The following CFAP97 variants were observed in gnomAD, a reference collection of about 807,000 sequenced individuals.
The protein encoded by CFAP97 is cilia and flagella associated protein 97.
A neutral mutation model predicts 43.1 loss-of-function variants in CFAP97; 36 were observed. The ratio of observed to expected loss-of-function variants is 0.84; its 90% CI spans 0.64 to 1.10. CFAP97 has a LOEUF of 1.10. Among genes scored for constraint, CFAP97 ranks in the 50% least tolerant of loss-of-function variants. The pLI, the probability that CFAP97 is intolerant of heterozygous loss-of-function variation, is 0.00. For synonymous variants in CFAP97, 228 were observed against 225.7 expected, an observed-to-expected ratio of 1.01 and a Z score of -0.09; for missense variants, 657 against 620.3, an observed-to-expected ratio of 1.06 and a Z score of -0.63.
At chr4:185,180,647 T>C (rs1469443748) in intron 2 of CFAP97, among the ~76,000 whole-genome samples, 1 of 152,178 alleles carries the variant, frequency 6.6e-6, no homozygotes, top group African/African-American at 2.4e-5. Flanking sequence ...TGATAGTATC[T>C]TCTGGTAAGT....
intron 1 of CFAP97, among the ~76,000 whole-genome samples, chr4:185,192,833 C>A: frequency 6.7e-6 from 1 of 149,646 alleles, no homozygotes; most frequent in Admixed American, 6.7e-5. Context: ...CTCCGCCTCC[C>A]GGGTTCACGC....
chr4:185,191,832 A>G (rs1193656809), intron 1 of CFAP97, among the ~76,000 whole-genome samples: 1 of 151,444 alleles, frequency 6.6e-6, no homozygotes, highest in Non-Finnish European at 1.5e-5. Context: ...CCATCTCAAC[A>G]ACAACAAACA....
chr4:185,174,045 C>T lies in CFAP97; in HGVS notation c.1320+1741G>A, dbSNP rs79116044. ...ACCTGGATTTGCACCTGGGCTCTGACACCTGCTAGCCGTGTGACCTTGAGT... is the reference window on the plus strand; with the variant it reads ...ACCTGGATTTGCACCTGGGCTCTGATACCTGCTAGCCGTGTGACCTTGAGT... On this transcript the variant is annotated intron_variant, in intron 3 of 4. Coordinates refer to ENST00000458385, the MANE Select transcript of CFAP97 (RefSeq NM_020827.3). Among the ~76,000 whole-genome samples, 6 of 152,302 alleles carry T rather than the reference C, an allele frequency of 3.9e-5. No homozygotes were observed. In the East Asian group the frequency reaches 7.7e-4, roughly 20 times the overall value.
chr4:185,210,147 G>A (rs1028557151), upstream of CFAP97: 475 of 984,146 alleles, frequency 4.8e-4, no homozygotes, highest in Non-Finnish European at 5.4e-4. This position sits in a 1 kb window ranked among gnomAD's most constrained non-coding sequence, Gnocchi z 4.4. Context: ...CCTTCCTGCT[G>A]GGGATCCTGT....
At chr4:185,181,137 A>G (rs1339185650) in intron 2 of CFAP97, among the ~76,000 whole-genome samples, 2 of 151,454 alleles carry the variant, frequency 1.3e-5, no homozygotes, top group Non-Finnish European at 2.9e-5. Context: ...TTAGCCAGGC[A>G]TGGTGGCACA....
At chr4:185,196,216 G>A (rs556115305) in intron 1 of CFAP97, among the ~76,000 whole-genome samples, 98 of 152,190 alleles carry the variant, frequency 6.4e-4, no homozygotes, top group Non-Finnish European at 1.2e-3. Flanking sequence ...GCTCACGCCT[G>A]TAATCCCAGC....
rs1042903142 is a variant in CFAP97 at position 185,160,378 on chromosome 4, AT to A, written c.*2419del. On this transcript the variant is annotated 3_prime_UTR_variant, in exon 5 of 5. Transcript: ENST00000458385. ...ATATTCAGTACAAGTCAAAAAAAAA[AT>A]AAAATAAAATAGTGCCAGACCATCC... The A allele has an allele frequency of 7.4e-5, 11 of 149,266 alleles. No homozygotes were observed. The highest frequency in any genetic ancestry group is 2.2e-4 in the African/African-American group (9 of 40,240). The allele number at this position is 149,266 out of a possible 1,614,324, so 9.2% of individuals were successfully genotyped here.
chr4:185,173,057 T>A (rs1735367395), intron 3 of CFAP97, among the ~76,000 whole-genome samples: 1 of 151,214 alleles, frequency 6.6e-6, no homozygotes, highest in Non-Finnish European at 1.5e-5. Context: ...TAATAGGATT[T>A]TTTAAATAGA....
intron 3 of CFAP97, 104 bp downstream of exon 3, chr4:185,175,682 T>G: frequency 1.9e-6 from 2 of 1,050,208 alleles, no homozygotes; most frequent in East Asian, 2.4e-5. Flanking sequence ...TGCTTTTATG[T>G]AATGAAGTTT....
At chr4:185,163,383 C>T (rs1375817422) in intron 4 of CFAP97, among the ~76,000 whole-genome samples, 3 of 152,154 alleles carry the variant, frequency 2.0e-5, no homozygotes, top group African/African-American at 4.8e-5. Context: ...GTTGTGGCAT[C>T]GGGCGGTTTG....
chr4:185,175,141 G>T (rs1286711048), intron 3 of CFAP97, among the ~76,000 whole-genome samples: 3 of 152,112 alleles, frequency 2.0e-5, no homozygotes, highest in Non-Finnish European at 4.4e-5. Flanking sequence ...CTTCACAGAA[G>T]AAACACTTGG....
Position 185,191,070 on chromosome 4 carries a change from T to C in CFAP97, c.127A>G (p.Arg43Gly), listed in dbSNP as rs750030501. 1.9e-6 allele frequency: 3 copies of C among 1,613,496 alleles called. No individual in the cohort carries two copies. The highest frequency in any genetic ancestry group is 1.3e-5 in the African/African-American group (1 of 75,056). Reference sequence around the variant, plus strand: ...ACATTTTTTGTATCTTTATCTATTCTTTCCTTTGGGTCATCATTTTGCTTG... The same window carrying C: ...ACATTTTTTGTATCTTTATCTATTCCTTCCTTTGGGTCATCATTTTGCTTG... ...FDKQNDDPKE[R>G]IDKDTKNVNS... The change falls in exon 2 of 5, where the codon AGA becomes GGA. Residue 43 changes from arginine (R) to glycine (G), a missense_variant. Coordinates refer to ENST00000458385, the MANE Select transcript of CFAP97 (RefSeq NM_020827.3).
At chr4:185,169,886 A>T in intron 3 of CFAP97, 1 of 986,770 alleles carries the variant, frequency 1.0e-6, no homozygotes, top group Non-Finnish European at 1.2e-6. Flanking sequence ...TTAACCAGAC[A>T]AGAAGGAAAC....
At chr4:185,181,320 CTT>C (rs778362979) in intron 2 of CFAP97, among the ~76,000 whole-genome samples, 361 of 99,186 alleles carry the variant, frequency 3.6e-3, no homozygotes, top group African/African-American at 0.012. Context: ...CATAATCATA[CTT>C]TTTTTTTTTT....
At chr4:185,206,627 C>G (rs1737197631), upstream of CFAP97, among the ~76,000 whole-genome samples, 1 of 144,084 alleles carries the variant, frequency 6.9e-6, no homozygotes, top group South Asian at 2.2e-4. Flanking sequence ...CCATTGCACT[C>G]CAGCCTGGGT....
intron 1 of CFAP97, among the ~76,000 whole-genome samples, chr4:185,196,142 CAT>C (rs1736531390): frequency 6.6e-6 from 1 of 152,196 alleles, no homozygotes; most frequent in African/African-American, 2.4e-5. Flanking sequence ...TCATGTCCAT[CAT>C]TAAACTGACG....
chr4:185,174,837 T>C (rs574130375), intron 3 of CFAP97, among the ~76,000 whole-genome samples: 16 of 152,356 alleles, frequency 1.1e-4, no homozygotes, highest in African/African-American at 2.6e-4. Context: ...CTCAGAACAA[T>C]GCCTAGTGTT....
rs1468693913 is a variant in CFAP97, at chr4:185,159,811, A to C, written c.*2987T>G. The C allele has an allele frequency of 6.6e-6, 1 of 152,224 alleles. No individual in the cohort carries two copies. The highest frequency in any genetic ancestry group is 2.4e-5 in the African/African-American group (1 of 41,452). The allele number at this position is 152,224 out of a possible 1,614,324, so 9.4% of individuals were successfully genotyped here. A position where few individuals can be genotyped will look rare whatever the true frequency, so the allele number is the denominator to read the frequency against. ...TCCTCATAGAAATAAAGAAGCCATAACTGTTAAGCACATTTTCTAAGATTG... is the reference window on the plus strand; with the variant it reads ...TCCTCATAGAAATAAAGAAGCCATACCTGTTAAGCACATTTTCTAAGATTG... On this transcript the variant is annotated 3_prime_UTR_variant, in exon 5 of 5. Coordinates refer to ENST00000458385, the MANE Select transcript of CFAP97 (RefSeq NM_020827.3).
chr4:185,198,545 T>C (rs1041245605), intron 1 of CFAP97, among the ~76,000 whole-genome samples: 1 of 151,136 alleles, frequency 6.6e-6, no homozygotes, highest in Non-Finnish European at 1.5e-5. Flanking sequence ...ATCCCAGAAC[T>C]TTGGGAGGCC....
Sources: allele counts gnomAD v4.1 joint callset (sites outside exome capture counted in the v4.1 genomes callset), GRCh38; gene constraint gnomAD v4.1.1; non-coding constraint Gnocchi (gnomAD v3.1); transcripts MANE v1.5; gene names NCBI Gene and HGNC (gene_info 2026-07-23, HGNC 2026-07-21).